MYLK: variants seen among roughly 807,000 people sequenced by gnomAD.
MYLK encodes the protein myosin light chain kinase, smooth muscle.
Under a neutral mutation model 203.4 loss-of-function variants are expected in MYLK, and 106 were observed. That is an observed-to-expected ratio of 0.52 (90% CI 0.45 to 0.61). MYLK has a LOEUF of 0.61. MYLK is among the 20% of genes least tolerant of loss of function. The pLI, the probability that MYLK is intolerant of heterozygous loss-of-function variation, is 0.00. For synonymous variants in MYLK, 867 were observed against 959.5 expected (o/e 0.90, Z 1.78); for missense variants, 2,072 against 2,442.3 (o/e 0.85, Z 3.20).
At position 123,735,287 on chromosome 3, in the gene MYLK, G is replaced by T. The variant is rs920281844; in HGVS notation, c.773+111C>A. On this transcript the variant is annotated intron_variant, in intron 9 of 33. Transcript: ENST00000360304. ...AAAATAAAACAACATCCTCCAAATG[G>T]CCAATTCTTCTGCCCCATAAGATGA... The T allele has an allele frequency of 2.4e-5, 34 of 1,399,766 alleles. No homozygotes were observed. In the East Asian group the frequency reaches 6.9e-4, roughly 28 times the overall value. The allele number at this position is 1,399,766 out of a possible 1,614,324, so 86.7% of individuals were successfully genotyped here. A position where few individuals can be genotyped will look rare whatever the true frequency, so the allele number is the denominator to read the frequency against.
At chr3:123,851,540 CTGTT>C (rs36143226) in intron 2 of MYLK, among the ~76,000 whole-genome samples, 124,977 of 150,304 alleles carry the variant, frequency 0.83, 52,061 homozygotes, top group East Asian at 0.95. Context: ...ATTTGCCTCT[CTGTT>C]TGTCTGTTAT....
intron 28 of MYLK, among the ~76,000 whole-genome samples, chr3:123,638,499 T>C (rs1425667704): frequency 6.6e-6 from 1 of 152,176 alleles, no homozygotes; most frequent in South Asian, 2.1e-4. Flanking sequence ...TTAGTTCCCC[T>C]AGGCAGGGAC....
intron 30 of MYLK, among the ~76,000 whole-genome samples, chr3:123,628,982 T>G (rs2058288717): frequency 6.6e-6 from 1 of 152,076 alleles, no homozygotes; most frequent in African/African-American, 2.4e-5. Flanking sequence ...ATTAAATAAC[T>G]GAGATATAAA....
In MYLK at chr3:123,626,935, G is replaced by A. The variant is rs144436556; in HGVS notation, c.5121C>T (p.Arg1707=). ...SNLLKKDMKN[R]LDCTQCLQHP... ...GCTGAAGGCACTGCGTGCAGTCCAG[G>A]CGGTTTCTGACAGAGGCAGAGATCA... Residue 1707 remains arginine, a synonymous_variant, in exon 31 of 34, where the codon CGC becomes CGT. Coordinates refer to ENST00000360304, the MANE Select transcript of MYLK (RefSeq NM_053025.4). 1.5e-4 allele frequency: 250 copies of A among 1,614,054 alleles called. No individual in the cohort carries two copies. Among genetic ancestry groups the A allele is most frequent in the Admixed American group, 3.2e-4 (19 of 60,000 alleles).
chr3:123,773,016 T>G (rs1403039552), intron 4 of MYLK, among the ~76,000 whole-genome samples: 3 of 152,130 alleles, frequency 2.0e-5, no homozygotes, highest in Admixed American at 6.5e-5. Flanking sequence ...AATAATTCTA[T>G]TTCTAATATC....
chr3:123,735,040 G>T (rs1334575285), intron 9 of MYLK: 1 of 356,506 alleles, frequency 2.8e-6, no homozygotes, highest in Non-Finnish European at 5.5e-6. Context: ...ACAGGAAAGA[G>T]GCTCCTGCTG....
At chr3:123,850,958 C>A (rs1051938416) in intron 2 of MYLK, among the ~76,000 whole-genome samples, 4 of 152,342 alleles carry the variant, frequency 2.6e-5, no homozygotes, top group African/African-American at 9.6e-5. Context: ...CAGCTTTCTA[C>A]ATACGGCTAG....
intron 2 of MYLK, among the ~76,000 whole-genome samples, chr3:123,845,011 C>T (rs2066681116): frequency 6.6e-6 from 1 of 151,972 alleles, no homozygotes; most frequent in Non-Finnish European, 1.5e-5. Context: ...CTGACCTCTC[C>T]ACTAGTTTTC....
At chr3:123,681,143 AGTTCCCTTTTTTC>A in intron 20 of MYLK, 1 of 152,310 alleles carries the variant, frequency 6.6e-6, no homozygotes, top group Admixed American at 6.5e-5. Context: ...TTGACTTAAG[AGTTCCCTTTTTTC>A]TTCTAATTTT....
rs183281008 is a variant in MYLK, at chr3:123,625,535, G to A, written c.5238+1283C>T. ...TAAGAATTGTAATTCTAGGTCGGGAGTGGTGGCTCACGCCTGTAATTCCAA... is the reference window on the plus strand; with the variant it reads ...TAAGAATTGTAATTCTAGGTCGGGAATGGTGGCTCACGCCTGTAATTCCAA... On this transcript the variant is annotated intron_variant, in intron 31 of 33. Transcript: ENST00000360304. Among the ~76,000 whole-genome samples, 17 of 152,122 alleles carry A rather than the reference G, an allele frequency of 1.1e-4. No homozygotes were observed. The East Asian group carries it at 3.1e-3, about 28-fold the overall frequency.
At position 123,640,685 on chromosome 3, in the gene MYLK, T is replaced by G. The variant is rs996358990; in HGVS notation, c.4620-181A>C. Among the ~76,000 whole-genome samples the G allele has an allele frequency of 4.6e-5, 7 of 152,142 alleles. No individual in the cohort carries two copies. The highest frequency in any genetic ancestry group is 1.7e-4 in the African/African-American group (7 of 41,434). ...TGGGAGAAGGGTCAGGGCCTCCTGG[T>G]TTCCCATCAGGGAACCCTGCCCTGC... is the stretch of plus-strand genomic sequence containing the variant. On this transcript the variant is annotated intron_variant, in intron 27 of 33. Transcript: ENST00000360304. The surrounding 1 kb of genome is among the most constrained non-coding windows in gnomAD (Gnocchi z 4.3).
At chr3:123,625,669 G>A (rs563417756) in intron 31 of MYLK, among the ~76,000 whole-genome samples, 8 of 151,754 alleles carry the variant, frequency 5.3e-5, no homozygotes, top group Non-Finnish European at 7.4e-5. Context: ...TTAGCCAGGC[G>A]TGGTGGTGGG....
intron 23 of MYLK, among the ~76,000 whole-genome samples, chr3:123,661,724 G>A (rs2059568027): frequency 6.6e-6 from 1 of 152,156 alleles, no homozygotes; most frequent in South Asian, 2.1e-4. Context: ...CCAGGGAGAG[G>A]AACAGAGCAA....
intron 1 of MYLK, among the ~76,000 whole-genome samples, chr3:123,883,625 C>G (rs1008714528): frequency 2.6e-5 from 4 of 152,218 alleles, no homozygotes; most frequent in African/African-American, 7.2e-5. Flanking sequence ...AACTTTCCAA[C>G]TGCAATCATC....
intron 3 of MYLK, among the ~76,000 whole-genome samples, chr3:123,802,268 T>C (rs1350493684): frequency 6.6e-6 from 1 of 152,166 alleles, no homozygotes; most frequent in African/African-American, 2.4e-5. Context: ...CATCCTTGAG[T>C]GACTTGGATC....
At chr3:123,860,423 C>T (rs971990149) in intron 2 of MYLK, among the ~76,000 whole-genome samples, 12 of 152,130 alleles carry the variant, frequency 7.9e-5, no homozygotes, top group African/African-American at 2.2e-4. Flanking sequence ...TTGAGCCTAA[C>T]GACACCCAGA....
chr3:123,813,008 C>G (rs1314176015), intron 3 of MYLK, among the ~76,000 whole-genome samples: 3 of 152,120 alleles, frequency 2.0e-5, no homozygotes. Context: ...TGGCAGTCTG[C>G]TCAGTAATGG....
chr3:123,791,924 A>G lies in MYLK; in HGVS notation c.165+1753T>C, dbSNP rs72972328. On this transcript the variant is annotated intron_variant, in intron 4 of 33. Coordinates refer to ENST00000360304, the MANE Select transcript of MYLK (RefSeq NM_053025.4). ...CATGAAGTACTTTTACTATCTATCA[A>G]CTTTTCTTCTTCCACCCCTGTGGGC... Among the ~76,000 whole-genome samples, 1,071 of 152,306 alleles carry G rather than the reference A, an allele frequency of 7.0e-3. 10 individuals are homozygous for G. Among genetic ancestry groups the G allele is most frequent in the African/African-American group, 0.023 (952 of 41,574 alleles).
chr3:123,839,406 G>A (rs1036607512), intron 2 of MYLK, among the ~76,000 whole-genome samples: 3 of 152,118 alleles, frequency 2.0e-5, no homozygotes, highest in South Asian at 2.1e-4. Context: ...AACTGAAATG[G>A]CTATATTAAT....
Sources: gnomAD v4.1 joint callset for allele counts (sites outside exome capture counted in the v4.1 genomes callset) on GRCh38, gnomAD v4.1.1 for gene constraint, Gnocchi (gnomAD v3.1) non-coding constraint, MANE v1.5 for transcripts, NCBI Gene and HGNC (gene_info 2026-07-23, HGNC 2026-07-21) for gene names.